The following IPO8 variants were observed in gnomAD, a reference collection of about 807,000 sequenced individuals.
The protein encoded by IPO8 is importin-8.
IPO8 carries 65 observed loss-of-function variants against 141.2 expected under a neutral mutation model. The observed-to-expected ratio is 0.46, with a 90% CI of 0.38 to 0.57. IPO8 has a LOEUF of 0.57. IPO8 is among the 20% of genes least tolerant of loss of function. IPO8 has a pLI of 0.00. For synonymous variants in IPO8, 411 were observed against 420.3 expected, an observed-to-expected ratio of 0.98 and a Z score of 0.27; for missense variants, 980 against 1,246.8, an observed-to-expected ratio of 0.79 and a Z score of 3.22.
Position 30,666,274 on chromosome 12 carries a change from C to G in IPO8, c.1145-23G>C, listed in dbSNP as rs777617130. 6 of 1,485,624 alleles carry G rather than the reference C, an allele frequency of 4.0e-6. No individual in the cohort carries two copies. The Admixed American group carries it at 6.1e-5, about 15-fold the overall frequency. The allele number at this position is 1,485,624 out of a possible 1,614,324, so 92.0% of individuals were successfully genotyped here. A position where few individuals can be genotyped will look rare whatever the true frequency, so the allele number is the denominator to read the frequency against. On this transcript the variant is annotated intron_variant, in intron 10 of 24. Coordinates refer to ENST00000256079, the MANE Select transcript of IPO8 (RefSeq NM_006390.4). ...TATCTAAGATTTTAAAAGGTTAAAA[C>G]CATGTTAGTGAAAATATAATTACTT...
chr12:30,681,865 T>G, intron 3 of IPO8, 48 bp from the exon 4 acceptor site: 1 of 1,492,544 alleles, frequency 6.7e-7, no homozygotes, highest in Non-Finnish European at 9.1e-7. Flanking sequence ...TTATAAATAC[T>G]GTGTTTCAAA....
intron 19 of IPO8, among the ~76,000 whole-genome samples, chr12:30,651,878 T>C (rs539691011): frequency 6.6e-6 from 1 of 152,222 alleles, no homozygotes; most frequent in African/African-American, 2.4e-5. Flanking sequence ...AAAAAGATCA[T>C]TCCATTTGTC....
intron 16 of IPO8, among the ~76,000 whole-genome samples, chr12:30,660,232 T>C (rs1206990438): frequency 1.3e-5 from 2 of 152,112 alleles, no homozygotes; most frequent in East Asian, 1.9e-4. Context: ...AAAAATTAAA[T>C]AAACAAATAA....
In IPO8 at chr12:30,695,523, C is replaced by T. The variant is rs769154350; in HGVS notation, c.84+41G>A. 3 of 1,575,894 alleles carry T rather than the reference C, an allele frequency of 1.9e-6. No individual in the cohort carries two copies. The highest frequency in any genetic ancestry group is 2.6e-6 in the Non-Finnish European group (3 of 1,146,954). On this transcript the variant is annotated intron_variant, in intron 1 of 24. Coordinates refer to ENST00000256079, the MANE Select transcript of IPO8 (RefSeq NM_006390.4). This position sits in a 1 kb window ranked among gnomAD's most constrained non-coding sequence, Gnocchi z 4.2. ...GGAGCCCGGCCAGCCGGCAGGGGCG[C>T]CCCTTCGGCGGAAGAGGGTCGCCGA...
At chr12:30,693,421 C>T (rs2053309463) in intron 1 of IPO8, among the ~76,000 whole-genome samples, 1 of 152,174 alleles carries the variant, frequency 6.6e-6, no homozygotes, top group Non-Finnish European at 1.5e-5. Context: ...GGCTGTGGTG[C>T]AGAAGCTGCT....
intron 23 of IPO8, among the ~76,000 whole-genome samples, chr12:30,633,556 T>C (rs1272223902): frequency 6.6e-6 from 1 of 152,338 alleles, no homozygotes; most frequent in Non-Finnish European, 1.5e-5. Flanking sequence ...ATTATGCATA[T>C]GTGGCAAATA....
chr12:30,630,752 C>A lies in IPO8; in HGVS notation c.*108G>T. The A allele has an allele frequency of 2.5e-6, 2 of 802,908 alleles. No individual in the cohort carries two copies. Among genetic ancestry groups the A allele is most frequent in the Admixed American group, 4.5e-5 (2 of 44,858 alleles). The allele number at this position is 802,908 out of a possible 1,614,324, so 49.7% of individuals were successfully genotyped here. ...GCCTAATGCCAGATGGTAACTGGCA[C>A]AGCAGGAGGGCCCTAAAAGCAGCCC... On this transcript the variant is annotated 3_prime_UTR_variant, in exon 25 of 25. Coordinates refer to ENST00000256079, the MANE Select transcript of IPO8 (RefSeq NM_006390.4).
Position 30,630,776 on chromosome 12 carries a change from C to T in IPO8, c.*84G>A, listed in dbSNP as rs540693471. ...ACAGCAGGAGGGCCCTAAAAGCAGC[C>T]CCTCATTTCATCCCCTTGACCCTCA... is the stretch of plus-strand genomic sequence containing the variant. On this transcript the variant is annotated 3_prime_UTR_variant, in exon 25 of 25. Coordinates refer to ENST00000256079, the MANE Select transcript of IPO8 (RefSeq NM_006390.4). 2.7e-3 allele frequency: 2,966 copies of T among 1,082,904 alleles called. 16 individuals are homozygous for T. The highest frequency in any genetic ancestry group is 3.4e-3 in the Non-Finnish European group (2,484 of 723,520). 67.1% of individuals were successfully genotyped at this position (1,082,904 alleles called of 1,614,324 possible).
chr12:30,687,459 A>C (rs2053252649), intron 2 of IPO8, among the ~76,000 whole-genome samples: 1 of 151,766 alleles, frequency 6.6e-6, no homozygotes, highest in Non-Finnish European at 1.5e-5. Flanking sequence ...ACAACTACAG[A>C]ATCAATTGGG....
In IPO8 at chr12:30,686,076, C is replaced by T. The variant is rs118080634; in HGVS notation, c.167-1619G>A. ...GTAGCTAAAGTTCTGAAAAACTGTT[C>T]CATCTATGATTTCAATTCATTTGGG... On this transcript the variant is annotated intron_variant, in intron 2 of 24. Coordinates refer to ENST00000256079, the MANE Select transcript of IPO8 (RefSeq NM_006390.4). Among the ~76,000 whole-genome samples the T allele has an allele frequency of 3.2e-3, 491 of 152,170 alleles. 4 individuals are homozygous for T. The highest frequency in any genetic ancestry group is 0.012 in the East Asian group (64 of 5,182).
intron 13 of IPO8, among the ~76,000 whole-genome samples, chr12:30,664,099 A>G (rs1348056480): frequency 6.6e-6 from 1 of 152,166 alleles, no homozygotes; most frequent in African/African-American, 2.4e-5. Context: ...TAAACCTGGT[A>G]TAGATGATCA....
In IPO8 at chr12:30,680,636, T is replaced by A; in HGVS notation, c.485A>T (p.Tyr162Phe). The A allele has an allele frequency of 6.2e-7, 1 of 1,606,664 alleles. No individual in the cohort carries two copies. Among genetic ancestry groups the A allele is most frequent in the South Asian group, 1.1e-5 (1 of 89,120 alleles). ...CLYQLVKTYEYKKAEEREPLI... is the reference protein window; with the variant it reads ...CLYQLVKTYEFKKAEEREPLI... ...AGGTTCTCTCTCTTCTGCTTTCTTA[T>A]ATCTACATGAGCAAAGACAAAAACA... Residue 162 changes from tyrosine (Y) to phenylalanine (F), a missense_variant and splice_region_variant, in exon 5 of 25, where the codon TAT (tyrosine) becomes TTT (phenylalanine). Physicochemically the swap from Tyr to Phe is conservative, Grantham distance 22 (BLOSUM62 3). Around this residue, in one of 3 missense-constraint regions of IPO8, gnomAD observed 924 missense variants for 1,153.9 expected, o/e 0.80. Transcript: ENST00000256079.
At chr12:30,682,229 CAAGT>C (rs1565509687) in intron 3 of IPO8, among the ~76,000 whole-genome samples, 1 of 152,028 alleles carries the variant, frequency 6.6e-6, no homozygotes, top group Non-Finnish European at 1.5e-5. Flanking sequence ...AAAGATGGTA[CAAGT>C]AAGTACAAAG....
chr12:30,658,395 G>A (rs74083892), intron 16 of IPO8, among the ~76,000 whole-genome samples: 35,270 of 152,124 alleles, frequency 0.23, 4,346 homozygotes, highest in Middle Eastern at 0.3. Context: ...ATTATTCATG[G>A]CCTTGGTAAA....
In IPO8 at chr12:30,653,007, T is replaced by C. The variant is rs36100343; in HGVS notation, c.2034A>G (p.Leu678=). 79 of 1,611,890 alleles carry C rather than the reference T, an allele frequency of 4.9e-5. No individual in the cohort carries two copies. In the African/African-American group the frequency reaches 9.1e-4, roughly 19 times the overall value. The change falls in exon 18 of 25, where the codon CTA becomes CTG. Residue 678 remains leucine, a synonymous_variant. Transcript: ENST00000256079. ...SPQMWQLLGI[L]YEVFQQDCFE... ...AGCAATCCTGCTGAAACACTTCATA[T>C]AGTATACCTAGAAGCTGCCACATTT...
chr12:30,657,825 C>T (rs1328418214), intron 16 of IPO8, among the ~76,000 whole-genome samples: 1 of 151,764 alleles, frequency 6.6e-6, no homozygotes, highest in East Asian at 1.9e-4. Flanking sequence ...CTATCATTTT[C>T]GTAAAAGAAA....
At chr12:30,647,253 T>G (rs1450385840) in intron 20 of IPO8, among the ~76,000 whole-genome samples, 2 of 152,024 alleles carry the variant, frequency 1.3e-5, no homozygotes, top group African/African-American at 4.8e-5. Context: ...CATAACTACA[T>G]GCAAAAGAAT....
chr12:30,641,261 A>G (rs2136129168), intron 20 of IPO8, among the ~76,000 whole-genome samples: 1 of 152,338 alleles, frequency 6.6e-6, no homozygotes, highest in African/African-American at 2.4e-5. Flanking sequence ...GAGAAAATGT[A>G]TAGTATGCTA....
chr12:30,664,792 T>C (rs1184657345), intron 13 of IPO8, among the ~76,000 whole-genome samples: 3 of 151,988 alleles, frequency 2.0e-5, no homozygotes, highest in Non-Finnish European at 4.4e-5. Context: ...CAGGCTGGAG[T>C]GCAGTGGCAC....
Sources: gnomAD v4.1 joint callset for allele counts (sites outside exome capture counted in the v4.1 genomes callset) on GRCh38, gnomAD v4.1.1 for gene constraint, gnomAD v4.1.1 regional missense constraint, Gnocchi (gnomAD v3.1) non-coding constraint, MANE v1.5 for transcripts, NCBI Gene and HGNC (gene_info 2026-07-23, HGNC 2026-07-21) for gene names.